The following OXR1 variants were observed in gnomAD, a reference collection of about 807,000 sequenced individuals.
OXR1 encodes oxidation resistance 1, also known as oxidation resistance protein 1.
Under a neutral mutation model 104.6 loss-of-function variants are expected in OXR1, and 41 were observed. The observed-to-expected ratio is 0.39, with a 90% confidence interval of 0.31 to 0.51. OXR1 has a LOEUF of 0.51. Among genes scored for constraint, OXR1 ranks in the 20% least tolerant of loss-of-function variants. OXR1 has a pLI of 0.77. For missense variants in OXR1, 955 were observed against 1,031.9 expected, an observed-to-expected ratio of 0.93 and a Z score of 1.02; for synonymous variants, 348 against 348.4, an observed-to-expected ratio of 1.00 and a Z score of 0.01.
chr8:106,367,177 T>C (rs950094769), intron 2 of OXR1, among the ~76,000 whole-genome samples: 4 of 151,572 alleles, frequency 2.6e-5, no homozygotes, highest in African/African-American at 9.7e-5. Flanking sequence ...TTCTCCTGCC[T>C]CAGCCTCCCA....
intron 3 of OXR1, among the ~76,000 whole-genome samples, chr8:106,596,616 A>G (rs369382933): frequency 3.9e-5 from 6 of 152,300 alleles, no homozygotes; most frequent in African/African-American, 1.2e-4. Flanking sequence ...TTGTATTTTT[A>G]GAGAGGTCAG....
At chr8:106,715,136 G>T (rs1457749018) in intron 11 of OXR1, among the ~76,000 whole-genome samples, 2 of 151,918 alleles carry the variant, frequency 1.3e-5, no homozygotes, top group African/African-American at 2.4e-5. Flanking sequence ...CAATAAAAAA[G>T]ATCTACTGGT....
chr8:106,634,726 A>T (rs1586937167), intron 3 of OXR1, among the ~76,000 whole-genome samples: 1 of 152,166 alleles, frequency 6.6e-6, no homozygotes, highest in Admixed American at 6.6e-5. Flanking sequence ...TTACTTAATT[A>T]GAAATTAAGG....
At chr8:106,714,559 T>C (rs1487534720) in intron 11 of OXR1, among the ~76,000 whole-genome samples, 1 of 152,094 alleles carries the variant, frequency 6.6e-6, no homozygotes, top group Non-Finnish European at 1.5e-5. Flanking sequence ...TTTACTGAAC[T>C]TGTTTAAATG....
chr8:106,504,860 T>TAAA (rs1379339923), intron 2 of OXR1, among the ~76,000 whole-genome samples: 14 of 152,230 alleles, frequency 9.2e-5, no homozygotes, highest in Non-Finnish European at 1.6e-4. Flanking sequence ...TTCCTGGCTT[T>TAAA]GTTAATGTAT....
intron 3 of OXR1, among the ~76,000 whole-genome samples, chr8:106,550,191 A>T (rs1815691929): frequency 6.6e-6 from 1 of 152,188 alleles, no homozygotes; most frequent in African/African-American, 2.4e-5. Flanking sequence ...TAATGGACTC[A>T]TCAGATGTTC....
At chr8:106,486,123 C>T (rs1234041801) in intron 2 of OXR1, among the ~76,000 whole-genome samples, 1 of 151,998 alleles carries the variant, frequency 6.6e-6, no homozygotes, top group Non-Finnish European at 1.5e-5. Context: ...TGTTCTATTA[C>T]AAAATCACGA....
At chr8:106,580,069 G>C (rs2130620829) in intron 3 of OXR1, among the ~76,000 whole-genome samples, 1 of 152,282 alleles carries the variant, frequency 6.6e-6, no homozygotes, top group Non-Finnish European at 1.5e-5. Context: ...CAGAACTATA[G>C]GCATGAGAAT....
At chr8:106,362,691 G>A (rs960116954) in intron 2 of OXR1, among the ~76,000 whole-genome samples, 3 of 152,162 alleles carry the variant, frequency 2.0e-5, no homozygotes, top group African/African-American at 7.2e-5. Flanking sequence ...GTAAGTTGAT[G>A]CTCGTTGAAA....
chr8:106,694,845 T>C (rs1404521461), intron 7 of OXR1, among the ~76,000 whole-genome samples: 27 of 117,046 alleles, frequency 2.3e-4, no homozygotes, highest in African/African-American at 9.4e-4. Flanking sequence ...ATAATATATA[T>C]ATTTAATATA....
intron 2 of OXR1, among the ~76,000 whole-genome samples, chr8:106,456,142 T>C (rs1348172851): frequency 6.6e-6 from 1 of 152,210 alleles, no homozygotes; most frequent in Non-Finnish European, 1.5e-5. Flanking sequence ...TAAAAAACTT[T>C]TTAAAACAAT....
intron 1 of OXR1, among the ~76,000 whole-genome samples, chr8:106,353,811 G>A (rs6995675): frequency 0.047 from 7,183 of 152,048 alleles, 550 homozygotes; most frequent in African/African-American, 0.16. Context: ...TATAGTCACC[G>A]TGTTGTGTTG....
At chr8:106,335,983 C>T (rs1306599494) in intron 1 of OXR1, among the ~76,000 whole-genome samples, 2 of 152,134 alleles carry the variant, frequency 1.3e-5, no homozygotes, top group Non-Finnish European at 2.9e-5. Flanking sequence ...ATAAGCCCAG[C>T]TACTTGGGAG....
At chr8:106,738,822 C>A (rs1386090629) in intron 12 of OXR1, among the ~76,000 whole-genome samples, 1 of 150,864 alleles carries the variant, frequency 6.6e-6, no homozygotes, top group Non-Finnish European at 1.5e-5. Flanking sequence ...AATTTATGAA[C>A]AAATTAACAG....
intron 16 of OXR1, among the ~76,000 whole-genome samples, chr8:106,749,200 G>A (rs369921570): frequency 1.3e-4 from 20 of 151,850 alleles, no homozygotes; most frequent in South Asian, 4.2e-4. Context: ...AAAATTAGCC[G>A]GGCGTGGTGG....
chr8:106,542,458 C>G (rs952633013), intron 3 of OXR1, among the ~76,000 whole-genome samples: 3 of 152,094 alleles, frequency 2.0e-5, no homozygotes, highest in Admixed American at 6.6e-5. Context: ...TTATTAAGAA[C>G]TTAAAAAGTT....
chr8:106,669,558 GT>G (rs553177960), intron 3 of OXR1, among the ~76,000 whole-genome samples: 21 of 147,184 alleles, frequency 1.4e-4, no homozygotes, highest in East Asian at 4.0e-4. Context: ...TCAGCAATCT[GT>G]TTTTTTTTTA....
chr8:106,311,794 T>A (rs1813712694), intron 1 of OXR1, among the ~76,000 whole-genome samples: 1 of 152,224 alleles, frequency 6.6e-6, no homozygotes, highest in South Asian at 2.1e-4. Context: ...GTTAATTGGC[T>A]ATTTCTCTTC....
intron 2 of OXR1, among the ~76,000 whole-genome samples, chr8:106,442,001 A>G (rs1819806488): frequency 6.6e-6 from 1 of 152,144 alleles, no homozygotes; most frequent in African/African-American, 2.4e-5. Context: ...TGGTTTTCAA[A>G]GGGAATGCTT....
Sources: gnomAD v4.1 joint callset for allele counts (sites outside exome capture counted in the v4.1 genomes callset) on GRCh38, gnomAD v4.1.1 for gene constraint, MANE v1.5 for transcripts, NCBI Gene and HGNC (gene_info 2026-07-23, HGNC 2026-07-21) for gene names.